The following CACNB2 variants were observed in gnomAD, a reference collection of about 807,000 sequenced individuals.
The protein encoded by CACNB2 is voltage-dependent L-type calcium channel subunit beta-2.
A neutral mutation model predicts 73.3 loss-of-function variants in CACNB2; 42 were observed. The observed-to-expected ratio is 0.57, with a 90% CI of 0.45 to 0.74. The LOEUF is 0.74. Among genes scored for constraint, CACNB2 ranks in the 30% least tolerant of loss-of-function variants. The pLI is 0.00. For missense variants in CACNB2, 940 were observed against 853.0 expected (o/e 1.10, Z -1.27); for synonymous variants, 348 against 310.3 (o/e 1.12, Z -1.28).
At chr10:18,491,449 A>T (rs1035345771) in intron 3 of CACNB2, among the ~76,000 whole-genome samples, 2 of 152,162 alleles carry the variant, frequency 1.3e-5, no homozygotes, top group Non-Finnish European at 1.5e-5. Flanking sequence ...TTAGCTGGGC[A>T]TTGTGGCATG....
chr10:18,536,715 C>G (rs2053641134), intron 12 of CACNB2, among the ~76,000 whole-genome samples: 1 of 152,160 alleles, frequency 6.6e-6, no homozygotes, highest in Non-Finnish European at 1.5e-5. Flanking sequence ...ATGATCATAG[C>G]TTACCAAAAG....
In CACNB2 at chr10:18,507,944, A is replaced by AT. The variant is rs1013325686; in HGVS notation, c.670+1409dup. On this transcript the variant is annotated intron_variant, in intron 6 of 13. Coordinates refer to ENST00000324631, the MANE Select transcript of CACNB2 (RefSeq NM_201596.3). ...AGGACTTCTTAGCAAAAACTATAGG[A>AT]TTTTTTTTTTTTAAGAGAAGGGGTT... is the stretch of plus-strand genomic sequence containing the variant. Among the ~76,000 whole-genome samples, 1,267 of 146,404 alleles carry AT rather than the reference A, an allele frequency of 8.7e-3. 7 individuals carry two copies. Among genetic ancestry groups the AT allele is most frequent in the African/African-American group, 0.023 (910 of 40,180 alleles).
chr10:18,203,260 T>A (rs983913695), intron 2 of CACNB2, among the ~76,000 whole-genome samples: 2 of 152,182 alleles, frequency 1.3e-5, no homozygotes, highest in African/African-American at 4.8e-5. Flanking sequence ...CACAGAGTAG[T>A]TAAATACCAG....
chr10:18,249,456 A>T (rs1406394334), intron 2 of CACNB2, among the ~76,000 whole-genome samples: 2 of 152,184 alleles, frequency 1.3e-5, no homozygotes, highest in Non-Finnish European at 2.9e-5. Flanking sequence ...TCTCTGCTTA[A>T]GAAAATCTCC....
At chr10:18,182,256 G>A (rs2033924042) in intron 2 of CACNB2, 1 of 151,922 alleles carries the variant, frequency 6.6e-6, no homozygotes, top group Admixed American at 6.6e-5. Context: ...GAGGTCAAGA[G>A]TTTGAGACCA....
intron 6 of CACNB2, among the ~76,000 whole-genome samples, chr10:18,512,101 G>C (rs893131363): frequency 1.3e-5 from 2 of 151,934 alleles, no homozygotes; most frequent in Non-Finnish European, 2.9e-5. Context: ...TTTTTTTCTT[G>C]TAACACTTTT....
chr10:18,340,946 T>C lies in CACNB2; in HGVS notation c.214-60978T>C, dbSNP rs1006602326. The stretch of plus-strand genomic sequence containing the variant: ...TCTAGCATGCTTGACAGACGCCTTA[T>C]AGCTCCTCAAACTAAATACATTATT... On this transcript the variant is annotated intron_variant, in intron 2 of 13. Coordinates refer to ENST00000324631, the MANE Select transcript of CACNB2 (RefSeq NM_201596.3). 6.2e-7 allele frequency: 1 copy of C among 1,614,150 alleles called. No individual in the cohort carries two copies. The highest frequency in any genetic ancestry group is 8.5e-7 in the Non-Finnish European group (1 of 1,180,026).
intron 5 of CACNB2, among the ~76,000 whole-genome samples, chr10:18,505,456 T>C (rs1362799885): frequency 6.6e-6 from 1 of 152,224 alleles, no homozygotes; most frequent in Admixed American, 6.5e-5. Flanking sequence ...TTGATGTTTA[T>C]GCATTAAAAT....
chr10:18,176,864 G>A (rs1051569521), intron 2 of CACNB2, among the ~76,000 whole-genome samples: 4 of 151,826 alleles, frequency 2.6e-5, no homozygotes, highest in African/African-American at 9.7e-5. Flanking sequence ...GTGTTTCAGG[G>A]GACATTGAGA....
chr10:18,489,738 C>A (rs1018070329), intron 3 of CACNB2, among the ~76,000 whole-genome samples: 2 of 152,172 alleles, frequency 1.3e-5, no homozygotes, highest in South Asian at 4.1e-4. Flanking sequence ...TAAGTCCTGT[C>A]ATGTACAAGG....
At chr10:18,491,663 A>G (rs2049434774) in intron 3 of CACNB2, among the ~76,000 whole-genome samples, 1 of 152,146 alleles carries the variant, frequency 6.6e-6, no homozygotes. Flanking sequence ...CCTGAATGGT[A>G]AGAGGAAAGA....
intron 2 of CACNB2, among the ~76,000 whole-genome samples, chr10:18,210,472 G>T (rs1213528517): frequency 6.6e-6 from 1 of 152,076 alleles, no homozygotes; most frequent in Non-Finnish European, 1.5e-5. Context: ...TGGGGGTTGG[G>T]GTGTGGTATG....
chr10:18,315,261 G>A (rs1447772678), intron 2 of CACNB2, among the ~76,000 whole-genome samples: 1 of 151,996 alleles, frequency 6.6e-6, no homozygotes, highest in African/African-American at 2.4e-5. Flanking sequence ...TCAAACTTGG[G>A]AGGTGGAGGT....
At chr10:18,283,335 A>C (rs1008858174) in intron 2 of CACNB2, among the ~76,000 whole-genome samples, 2 of 152,200 alleles carry the variant, frequency 1.3e-5, no homozygotes, top group East Asian at 1.9e-4. Context: ...TACCCAAAGG[A>C]TTATACGTCA....
chr10:18,172,108 A>G (rs2033285737), intron 2 of CACNB2, among the ~76,000 whole-genome samples: 1 of 152,198 alleles, frequency 6.6e-6, no homozygotes, highest in African/African-American at 2.4e-5. Flanking sequence ...CAGGCCTGTA[A>G]TCCCAGCACT....
At chr10:18,154,868 CGA>C (rs1441010467) in intron 2 of CACNB2, among the ~76,000 whole-genome samples, 11 of 152,130 alleles carry the variant, frequency 7.2e-5, no homozygotes, top group African/African-American at 2.2e-4. Flanking sequence ...CAAGCTAAGG[CGA>C]GAGAGGCCTC....
At chr10:18,275,955 G>A (rs1348291147) in intron 2 of CACNB2, among the ~76,000 whole-genome samples, 3 of 152,198 alleles carry the variant, frequency 2.0e-5, no homozygotes, top group Non-Finnish European at 4.4e-5. Context: ...CGAGAGTGGT[G>A]AAACTTTGTT....
intron 3 of CACNB2, among the ~76,000 whole-genome samples, chr10:18,425,666 T>TCAAAA (rs1006371334): frequency 3.9e-5 from 6 of 152,138 alleles, no homozygotes; most frequent in East Asian, 1.9e-4. Context: ...AGACCATGTC[T>TCAAAA]CAAAACAAAA....
rs1422074798 is a variant in CACNB2 at position 18,506,493 on chromosome 10, T to C, written c.616T>C (p.Ser206Pro). ...YSSKSGGNSS[S>P]SLGDIVPSSR... ...CAGTAAATCAGGAGGAAATTCATCA[T>C]CCAGTTTGGGTGACATAGTACCTAG... The change falls in exon 6 of 14, where the codon TCC becomes CCC. Residue 206 changes from serine (S) to proline (P), a missense_variant. Physicochemically the swap from Ser to Pro is moderately conservative, Grantham distance 74. Transcript: ENST00000324631. The C allele has an allele frequency of 1.2e-6, 2 of 1,611,612 alleles. No homozygotes were observed. Among genetic ancestry groups the C allele is most frequent in the East Asian group, 2.2e-5 (1 of 44,786 alleles).
Sources: allele counts gnomAD v4.1 joint callset (sites outside exome capture counted in the v4.1 genomes callset), GRCh38; gene constraint gnomAD v4.1.1; transcripts MANE v1.5; gene names NCBI Gene and HGNC (gene_info 2026-07-23, HGNC 2026-07-21).